MAD2L1: variants seen among roughly 807,000 people sequenced by gnomAD.
MAD2L1 encodes mitotic arrest deficient 2 like 1.
Under a neutral mutation model 25.9 loss-of-function variants are expected in MAD2L1, and 10 were observed. The observed-to-expected ratio is 0.39, with a 90% confidence interval of 0.24 to 0.66. MAD2L1 has a LOEUF of 0.66. Ranked by LOEUF, MAD2L1 falls within the 30% of genes least tolerant of loss-of-function variation. The pLI is 0.49. For synonymous variants in MAD2L1, 81 were observed against 91.8 expected (o/e 0.88, Z 0.67); for missense variants, 180 against 246.4 (o/e 0.73, Z 1.80).
rs1726335085 is a variant in MAD2L1, at chr4:120,066,823, A to G, written c.-89T>C. On this transcript the variant is annotated 5_prime_UTR_variant, in exon 1 of 5. Transcript: ENST00000296509. ...CAGCACTTCCCCGCCAAGCGTTTCA[A>G]AAGTAACGACGCAGCACGTCGTCAG... The G allele has an allele frequency of 1.0e-6, 1 of 989,124 alleles. No individual in the cohort carries two copies. Among genetic ancestry groups the G allele is most frequent in the Non-Finnish European group, 1.6e-6 (1 of 640,766 alleles). The allele number at this position is 989,124 out of a possible 1,614,324, so 61.3% of individuals were successfully genotyped here. A position where few individuals can be genotyped will look rare whatever the true frequency, so the allele number is the denominator to read the frequency against.
intron 3 of MAD2L1, among the ~76,000 whole-genome samples, chr4:120,061,257 C>T (rs1726212766): frequency 1.3e-5 from 2 of 151,972 alleles, no homozygotes; most frequent in Admixed American, 1.3e-4. Context: ...AGAAAATTTG[C>T]CAATCACTTC....
At position 120,059,897 on chromosome 4, in the gene MAD2L1, T is replaced by A. The variant is rs1436793046; in HGVS notation, c.*221A>T. ...GTTGACAAAAAAACCTCCTGGTTCC[T>A]TTTGAACAATGTGCAATAAATTCAT... On this transcript the variant is annotated 3_prime_UTR_variant, in exon 5 of 5. Coordinates refer to ENST00000296509, the MANE Select transcript of MAD2L1 (RefSeq NM_002358.4). 5.2e-6 allele frequency: 2 copies of A among 387,658 alleles called. No homozygotes were observed. The highest frequency in any genetic ancestry group is 9.2e-6 in the Non-Finnish European group (2 of 216,318). 24.0% of individuals were successfully genotyped at this position (387,658 alleles called of 1,614,324 possible).
At chr4:120,065,202 G>C (rs1279325962) in intron 2 of MAD2L1, among the ~76,000 whole-genome samples, 1 of 152,190 alleles carries the variant, frequency 6.6e-6, no homozygotes, top group East Asian at 1.9e-4. Context: ...CTGTTATTTA[G>C]TAGCTAATCT....
At position 120,060,260 on chromosome 4, in the gene MAD2L1, TTGTC is replaced by T. The variant is rs1283675198; in HGVS notation, c.472_475del (p.Asp158LysfsTer35). The T allele has an allele frequency of 4.3e-6, 7 of 1,612,786 alleles. No homozygotes were observed. Among genetic ancestry groups the T allele is most frequent in the African/African-American group, 1.3e-5 (1 of 74,890 alleles). The stretch of plus-strand genomic sequence containing the variant: ...CCATTTTTCAGGTACAACCAAATCT[TTGTC>T]TGTATAAATCAGCAGATCAAATGAA... On this transcript the variant is annotated frameshift_variant, in exon 5 of 5. Coordinates refer to ENST00000296509, the MANE Select transcript of MAD2L1 (RefSeq NM_002358.4). LOFTEE classifies it high-confidence loss of function.
In MAD2L1 at chr4:120,058,013, C is replaced by T. The variant is rs895471273; in HGVS notation, c.*2105G>A. 3 of 152,178 alleles carry T rather than the reference C, an allele frequency of 2.0e-5. No homozygotes were observed. The highest frequency in any genetic ancestry group is 4.8e-5 in the African/African-American group (2 of 41,410). 9.4% of individuals were successfully genotyped at this position (152,178 alleles called of 1,614,324 possible). On this transcript the variant is annotated 3_prime_UTR_variant, in exon 5 of 5. Coordinates refer to ENST00000296509, the MANE Select transcript of MAD2L1 (RefSeq NM_002358.4). The stretch of plus-strand genomic sequence containing the variant: ...CAAGTAGCTGAGATGCGCCCGCCAC[C>T]ACGCCCAGCTAATTTTTATATTTTT...
chr4:120,065,590 T>G (rs909816772), intron 2 of MAD2L1, 82 bp downstream of exon 2: 28 of 1,249,152 alleles, frequency 2.2e-5, no homozygotes, highest in Non-Finnish European at 2.7e-5. Flanking sequence ...GTCAGTACAC[T>G]TCTATGTGCA....
intron 2 of MAD2L1, among the ~76,000 whole-genome samples, chr4:120,064,659 A>G (rs1220700241): frequency 6.6e-6 from 1 of 152,222 alleles, no homozygotes; most frequent in Non-Finnish European, 1.5e-5. Context: ...TTGAGACCTG[A>G]CATCCACAGG....
rs1726100842 is a variant in MAD2L1, at chr4:120,055,913, ACTAT to A, written c.*4201_*4204del. On this transcript the variant is annotated 3_prime_UTR_variant, in exon 5 of 5. Transcript: ENST00000296509. ...ATTGGTCAAAGTCATCTGACAACAG[ACTAT>A]CTGAGGAAAGTGTAAATACAAAGTC... is the stretch of plus-strand genomic sequence containing the variant. 1 of 152,236 alleles carries A rather than the reference ACTAT, an allele frequency of 6.6e-6. No homozygotes were observed. Among genetic ancestry groups the A allele is most frequent in the South Asian group, 2.1e-4 (1 of 4,832 alleles). 9.4% of individuals were successfully genotyped at this position (152,236 alleles called of 1,614,324 possible).
intron 3 of MAD2L1, 117 bp downstream of exon 3, chr4:120,061,858 T>C: frequency 1.3e-6 from 1 of 796,966 alleles, no homozygotes; most frequent in Non-Finnish European, 1.9e-6. Context: ...AAATATAAAT[T>C]AGAAACAAAC....
intron 3 of MAD2L1, 36 bp from the exon 4 acceptor site, chr4:120,061,013 A>G (rs1317578079): frequency 2.4e-6 from 3 of 1,235,592 alleles, no homozygotes; most frequent in South Asian, 2.5e-5. Flanking sequence ...AATTCATTTC[A>G]GGTCTTAACA....
rs1726184445 is a variant in MAD2L1 at position 120,060,058 on chromosome 4, C to T, written c.*60G>A. 1 of 1,432,008 alleles carries T rather than the reference C, an allele frequency of 7.0e-7. No individual in the cohort carries two copies. The highest frequency in any genetic ancestry group is 9.6e-7 in the Non-Finnish European group (1 of 1,040,588). The allele number at this position is 1,432,008 out of a possible 1,614,324, so 88.7% of individuals were successfully genotyped here. ...AATAAAACATATCAACTATAGATGA[C>T]TTGATTTCAGGAAAACCACATTTCA... On this transcript the variant is annotated 3_prime_UTR_variant, in exon 5 of 5. Transcript: ENST00000296509.
At chr4:120,065,905 AT>A (rs2110509789) in intron 1 of MAD2L1, 87 bp from the exon 2 acceptor site, 1 of 1,357,898 alleles carries the variant, frequency 7.4e-7, no homozygotes, top group Non-Finnish European at 1.0e-6. Context: ...CTATATTTTC[AT>A]TAGGCTATAC....
intron 2 of MAD2L1, among the ~76,000 whole-genome samples, chr4:120,065,071 T>A (rs543156827): frequency 1.7e-4 from 26 of 152,308 alleles, no homozygotes; most frequent in Non-Finnish European, 1.5e-4. Flanking sequence ...TACATCAATG[T>A]CTTCAGCTAA....
Position 120,059,213 on chromosome 4 carries a change from C to T in MAD2L1, c.*905G>A, listed in dbSNP as rs1726163856. ...TAATTCCAAAGGACATTTATCTTTT[C>T]ACAATGATGAAGTAATAGCCTTAAG... is the stretch of plus-strand genomic sequence containing the variant. On this transcript the variant is annotated 3_prime_UTR_variant, in exon 5 of 5. Coordinates refer to ENST00000296509, the MANE Select transcript of MAD2L1 (RefSeq NM_002358.4). 1 of 152,146 alleles carries T rather than the reference C, an allele frequency of 6.6e-6. No homozygotes were observed. Among genetic ancestry groups the T allele is most frequent in the Non-Finnish European group, 1.5e-5 (1 of 68,012 alleles). The allele number at this position is 152,146 out of a possible 1,614,324, so 9.4% of individuals were successfully genotyped here.
rs1179180418 is a variant in MAD2L1, at chr4:120,059,586, C to A, written c.*532G>T. 6.6e-6 allele frequency: 1 copy of A among 151,958 alleles called. No homozygotes were observed. 9.4% of individuals were successfully genotyped at this position (151,958 alleles called of 1,614,324 possible). A position where few individuals can be genotyped will look rare whatever the true frequency, so the allele number is the denominator to read the frequency against. The stretch of plus-strand genomic sequence containing the variant: ...AGGTTCAAGTTACATAAATTAAAGT[C>A]AAATAATTGGAAACTGATTCAATAG... On this transcript the variant is annotated 3_prime_UTR_variant, in exon 5 of 5. Transcript: ENST00000296509.
In MAD2L1 at chr4:120,060,873, C is replaced by T; in HGVS notation, c.445+1G>A. ...TCAACAAGAAGTTGTATAATACTTA[C>T]AAGAAACTTCCAACAGTGGCAGAAA... On this transcript the variant is annotated splice_donor_variant, in intron 4 of 4. Coordinates refer to ENST00000296509, the MANE Select transcript of MAD2L1 (RefSeq NM_002358.4). LOFTEE classifies it high-confidence loss of function. The T allele has an allele frequency of 3.8e-6, 6 of 1,593,520 alleles. No homozygotes were observed. Among genetic ancestry groups the T allele is most frequent in the Non-Finnish European group, 5.2e-6 (6 of 1,164,290 alleles).
intron 2 of MAD2L1, 110 bp downstream of exon 2, chr4:120,065,562 T>C: frequency 1.1e-6 from 1 of 895,086 alleles, no homozygotes. Flanking sequence ...TCCTCTCAAT[T>C]GAAAATATAT....
At chr4:120,064,057 G>T (rs1416444287) in intron 2 of MAD2L1, among the ~76,000 whole-genome samples, 2 of 152,144 alleles carry the variant, frequency 1.3e-5, no homozygotes, top group African/African-American at 4.8e-5. Flanking sequence ...AAATAAAAGG[G>T]ACAAGTTAAA....
At position 120,062,088 on chromosome 4, in the gene MAD2L1, T is replaced by C; in HGVS notation, c.228A>G (p.Leu76=). The C allele has an allele frequency of 6.2e-7, 1 of 1,609,196 alleles. No individual in the cohort carries two copies. Among genetic ancestry groups the C allele is most frequent in the Non-Finnish European group, 8.5e-7 (1 of 1,178,282 alleles). Residue 76 remains leucine (L), a synonymous_variant, in exon 3 of 5, where the codon TTA becomes TTG. Coordinates refer to ENST00000296509, the MANE Select transcript of MAD2L1 (RefSeq NM_002358.4). Reference sequence around the variant, plus strand: ...CCAGTTTCTGAACTGAACACTTGTATAACCAATCTGCAACATATAAAAAGG... The same window carrying C: ...CCAGTTTCTGAACTGAACACTTGTACAACCAATCTGCAACATATAAAAAGG... ...NNVVEQLKDW[L]YKCSVQKLVV...
Sources: allele counts gnomAD v4.1 joint callset (sites outside exome capture counted in the v4.1 genomes callset), GRCh38; gene constraint gnomAD v4.1.1; transcripts MANE v1.5; gene names NCBI Gene and HGNC (gene_info 2026-07-23, HGNC 2026-07-21).